Variants in RERE observed in about 807,000 individuals in gnomAD.
RERE encodes arginine-glutamic acid dipeptide repeats protein.
RERE carries 40 observed loss-of-function variants against 146.1 expected under a neutral mutation model. The ratio of observed to expected loss-of-function variants is 0.27; its 90% CI spans 0.21 to 0.36. The LOEUF is 0.36. RERE is among the 10% of genes least tolerant of loss of function. The probability of loss-of-function intolerance (pLI) is 1.00; values close to 1 mark genes in which losing one functional copy is unlikely to be tolerated. For missense variants in RERE, 1,933 were observed against 2,138.7 expected (o/e 0.90, Z 1.90); for synonymous variants, 1,003 against 866.0 (o/e 1.16, Z -2.78).
chr1:8,497,949 T>C (rs1645067583), intron 8 of RERE, among the ~76,000 whole-genome samples: 1 of 152,256 alleles, frequency 6.6e-6, no homozygotes, highest in South Asian at 2.1e-4. Context: ...CACCTAAGGA[T>C]ATTTGCTAAA....
At chr1:8,804,151 G>A (rs1446005792) in intron 1 of RERE, among the ~76,000 whole-genome samples, 2 of 152,042 alleles carry the variant, frequency 1.3e-5, no homozygotes, top group Admixed American at 6.6e-5. Flanking sequence ...TAACAACTTA[G>A]GAAATTTCAG....
intron 21 of RERE, among the ~76,000 whole-genome samples, 185 bp from the exon 22 acceptor site, chr1:8,355,784 T>A (rs1641266548): frequency 6.6e-6 from 1 of 151,982 alleles, no homozygotes; most frequent in Admixed American, 6.5e-5. Context: ...GAGGTGCCCT[T>A]GGGTGCCTCT....
chr1:8,636,839 G>C (rs935277346), intron 2 of RERE, among the ~76,000 whole-genome samples: 2 of 152,142 alleles, frequency 1.3e-5, no homozygotes, highest in African/African-American at 4.8e-5. Flanking sequence ...GGAGAACAAA[G>C]AGAATGGAGG....
chr1:8,790,756 T>C (rs1250494157), intron 1 of RERE, among the ~76,000 whole-genome samples: 1 of 152,238 alleles, frequency 6.6e-6, no homozygotes, highest in East Asian at 1.9e-4. Context: ...AATAATTTTT[T>C]TGTATTTTTA....
At chr1:8,678,489 A>C (rs570223909) in intron 1 of RERE, among the ~76,000 whole-genome samples, 24 of 72,110 alleles carry the variant, frequency 3.3e-4, no homozygotes, top group African/African-American at 7.2e-4. Context: ...CTAAAAATAC[A>C]AAAAAAAAAA....
chr1:8,529,895 C>T lies in RERE; in HGVS notation c.830+11319G>A, dbSNP rs535080959. 6.6e-5 allele frequency among the ~76,000 whole-genome samples: 10 copies of T among 152,278 alleles called. No homozygotes were observed. The East Asian group carries it at 1.9e-3, about 29-fold the overall frequency. ...CTCTGATTCCATGGAGCAAGCCTTG[C>T]TTTACACTGAGTTCACCCTGGTACC... is the stretch of plus-strand genomic sequence containing the variant. On this transcript the variant is annotated intron_variant, in intron 7 of 22. Coordinates refer to ENST00000400908, the MANE Select transcript of RERE (RefSeq NM_001042681.2).
intron 7 of RERE, among the ~76,000 whole-genome samples, chr1:8,513,796 C>T (rs2124318685): frequency 6.6e-6 from 1 of 152,108 alleles, no homozygotes; most frequent in South Asian, 2.1e-4. Context: ...CAAAACAAAA[C>T]AAAACAAAAA....
intron 1 of RERE, among the ~76,000 whole-genome samples, chr1:8,790,355 T>A (rs76480453): frequency 0.047 from 7,211 of 152,268 alleles, 546 homozygotes; most frequent in African/African-American, 0.16. Flanking sequence ...CAGTACCTTC[T>A]ATACTATGTA....
chr1:8,752,374 C>G (rs1358179509), intron 1 of RERE, among the ~76,000 whole-genome samples: 1 of 152,004 alleles, frequency 6.6e-6, no homozygotes, highest in African/African-American at 2.4e-5. Context: ...AAAAAAAATA[C>G]TCCCAGTATC....
chr1:8,753,501 A>C (rs1246289486), intron 1 of RERE: 11 of 152,094 alleles, frequency 7.2e-5, no homozygotes, highest in Non-Finnish European at 1.0e-4. Context: ...TATTTGACGG[A>C]TTTTAAAAGA....
chr1:8,621,605 T>C (rs1426978003), intron 3 of RERE, among the ~76,000 whole-genome samples: 1 of 152,230 alleles, frequency 6.6e-6, no homozygotes, highest in Non-Finnish European at 1.5e-5. Context: ...CTCTCAGTTA[T>C]AACCCCAAAC....
chr1:8,466,087 A>G, intron 10 of RERE, 64 bp from the exon 11 acceptor site: 1 of 1,322,592 alleles, frequency 7.6e-7, no homozygotes, highest in Non-Finnish European at 1.1e-6. Context: ...CAATCGATCC[A>G]AGGCAAGCTC....
chr1:8,671,437 G>A (rs1024681936), intron 1 of RERE, among the ~76,000 whole-genome samples: 1 of 152,138 alleles, frequency 6.6e-6, no homozygotes, highest in African/African-American at 2.4e-5. Context: ...AATCCAAACC[G>A]CTGAAGTCCT....
At chr1:8,562,484 T>C (rs574811891) in intron 4 of RERE, among the ~76,000 whole-genome samples, 1 of 151,744 alleles carries the variant, frequency 6.6e-6, no homozygotes, top group Admixed American at 6.6e-5. Context: ...ACCAGTTTGT[T>C]TGTTTGTTTG....
At chr1:8,357,496 C>A (rs933897894) in intron 20 of RERE, among the ~76,000 whole-genome samples, 1 of 152,194 alleles carries the variant, frequency 6.6e-6, no homozygotes, top group Non-Finnish European at 1.5e-5. Flanking sequence ...AAGCCCTGCA[C>A]GTAGGCTGTC....
rs1009000662 is a variant in RERE at position 8,502,882 on chromosome 1, GA to G, written c.880-5354del. On this transcript the variant is annotated intron_variant, in intron 8 of 22. Transcript: ENST00000400908. ...GATGTGCTTTGTTAAACAGATGCTT[GA>G]AGGCAGCGTGCTCGTTAAGAGTCAT... 2.0e-5 allele frequency among the ~76,000 whole-genome samples: 3 copies of G among 150,580 alleles called. 1 individual carries two copies. The highest frequency in any genetic ancestry group is 2.0e-4 in the Admixed American group (3 of 15,116).
chr1:8,497,564 C>A, intron 8 of RERE, 35 bp from the exon 9 acceptor site: 1 of 1,611,290 alleles, frequency 6.2e-7, no homozygotes, highest in East Asian at 2.2e-5. Flanking sequence ...ACAATCAAGG[C>A]ATGTATTAAT....
Position 8,614,611 on chromosome 1 carries a change from C to T in RERE, c.472G>A (p.Ala158Thr). The stretch of plus-strand genomic sequence containing the variant: ...GAAAGATGCTGTGGTGGCTGTGATG[C>T]CACCGGCAGAGAGCATGCTGGGGGG... Reference protein sequence around the residue: ...CDPPACSLPVASQPPQHLSEA... With the variant: ...CDPPACSLPVTSQPPQHLSEA... Residue 158 changes from alanine to threonine, a missense_variant, in exon 4 of 23, where the codon GCA becomes ACA. Physicochemically the swap from Ala to Thr is moderately conservative, Grantham distance 58. Coordinates refer to ENST00000400908, the MANE Select transcript of RERE (RefSeq NM_001042681.2). The T allele has an allele frequency of 6.2e-7, 1 of 1,612,912 alleles. No individual in the cohort carries two copies. Among genetic ancestry groups the T allele is most frequent in the Non-Finnish European group, 8.5e-7 (1 of 1,179,374 alleles).
intron 11 of RERE, among the ~76,000 whole-genome samples, chr1:8,437,426 T>G (rs1219648095): frequency 1.3e-5 from 2 of 151,794 alleles, no homozygotes; most frequent in African/African-American, 4.8e-5. Flanking sequence ...GTCTAACAGG[T>G]GATCATTGTT....
Sources: gnomAD v4.1 joint callset for allele counts (sites outside exome capture counted in the v4.1 genomes callset) on GRCh38, gnomAD v4.1.1 for gene constraint, MANE v1.5 for transcripts, NCBI Gene and HGNC (gene_info 2026-07-23, HGNC 2026-07-21) for gene names.